Variants in RUNX1T1 observed in about 807,000 individuals in gnomAD.
RUNX1T1 encodes RUNX1 partner transcriptional co-repressor 1, also known as protein CBFA2T1.
Under a neutral mutation model 62.8 loss-of-function variants are expected in RUNX1T1, and 4 were observed. The ratio of observed to expected loss-of-function variants is 0.06; its 90% CI spans 0.03 to 0.15. The LOEUF (loss-of-function observed/expected upper bound fraction) is 0.15, where lower values mean the gene tolerates loss of function less well. RUNX1T1 is among the 10% of genes least tolerant of loss of function. The pLI is 1.00. For synonymous variants in RUNX1T1, 291 were observed against 286.0 expected (o/e 1.02, Z -0.18); for missense variants, 508 against 754.3 (o/e 0.67, Z 3.82).
At chr8:91,969,995 G>A (rs998944293) in intron 10 of RUNX1T1, among the ~76,000 whole-genome samples, 3 of 149,800 alleles carry the variant, frequency 2.0e-5, no homozygotes, top group Admixed American at 6.7e-5. Context: ...TTACTTTGCA[G>A]ATCTTTGAGC....
At chr8:91,999,048 T>C (rs1819263629) in intron 5 of RUNX1T1, among the ~76,000 whole-genome samples, 1 of 152,252 alleles carries the variant, frequency 6.6e-6, no homozygotes, top group African/African-American at 2.4e-5. Flanking sequence ...TGTAATGCAC[T>C]ATCCTGCACT....
chr8:92,067,898 A>T (rs1358265954), upstream of RUNX1T1, among the ~76,000 whole-genome samples: 2 of 152,208 alleles, frequency 1.3e-5, no homozygotes, highest in African/African-American at 4.8e-5. Context: ...AATATTTTAA[A>T]ATTTTTTGAA....
In RUNX1T1 at chr8:92,000,783, T is replaced by C. The variant is rs79306221; in HGVS notation, c.659+4333A>G. On this transcript the variant is annotated intron_variant, in intron 5 of 10. Transcript: ENST00000396218. ...TGTGGCTCTTCTGTCGTTAAAAATATATATAAAACCTCAGAATGTTATACT... is the reference window on the plus strand; with the variant it reads ...TGTGGCTCTTCTGTCGTTAAAAATACATATAAAACCTCAGAATGTTATACT... 5.9e-3 allele frequency among the ~76,000 whole-genome samples: 900 copies of C among 152,308 alleles called. 4 individuals carry two copies. The highest frequency in any genetic ancestry group is 0.02 in the African/African-American group (848 of 41,568).
At chr8:92,102,696 C>G (rs1030414374), upstream of RUNX1T1, among the ~76,000 whole-genome samples, 1 of 152,172 alleles carries the variant, frequency 6.6e-6, no homozygotes, top group Admixed American at 6.5e-5. This position sits in a 1 kb window ranked among gnomAD's most constrained non-coding sequence, Gnocchi z 4.5. Flanking sequence ...CCTCTTTGCC[C>G]TGGTGCGTAG....
intron 1 of RUNX1T1, chr8:92,095,062 G>C (rs1011793922): frequency 6.5e-7 from 1 of 1,535,466 alleles, no homozygotes; most frequent in Non-Finnish European, 8.7e-7. Flanking sequence ...AGAGGTGATG[G>C]GAGATAGCGT....
chr8:92,061,036 C>A (rs1249394377), intron 1 of RUNX1T1, among the ~76,000 whole-genome samples: 1 of 151,896 alleles, frequency 6.6e-6, no homozygotes, highest in Non-Finnish European at 1.5e-5. Context: ...ACTCTAAATC[C>A]CTAAATATAG....
chr8:91,974,623 G>C (rs1307637992), intron 9 of RUNX1T1, among the ~76,000 whole-genome samples: 1 of 152,106 alleles, frequency 6.6e-6, no homozygotes, highest in Non-Finnish European at 1.5e-5. Context: ...CGTCTTTTCA[G>C]GTAGGTGGTA....
At chr8:91,976,342 A>G (rs1813938203) in intron 8 of RUNX1T1, among the ~76,000 whole-genome samples, 1 of 152,206 alleles carries the variant, frequency 6.6e-6, no homozygotes, top group South Asian at 2.1e-4. Context: ...TTCATGAGTC[A>G]AACTGGTGGT....
intron 1 of RUNX1T1, among the ~76,000 whole-genome samples, chr8:92,027,576 T>C (rs931148449): frequency 2.0e-5 from 3 of 152,160 alleles, no homozygotes; most frequent in Non-Finnish European, 4.4e-5. Context: ...ATGTAAGCTA[T>C]GAGCTCTGAA....
At chr8:92,085,673 C>T (rs548728519) in intron 1 of RUNX1T1, among the ~76,000 whole-genome samples, 2 of 152,158 alleles carry the variant, frequency 1.3e-5, no homozygotes, top group South Asian at 2.1e-4. Flanking sequence ...AAAGAATTGC[C>T]AGCATGTTTT....
chr8:92,083,064 T>C (rs934108382), intron 1 of RUNX1T1, among the ~76,000 whole-genome samples: 7 of 152,172 alleles, frequency 4.6e-5, no homozygotes, highest in African/African-American at 1.7e-4. Context: ...ATACATAAAA[T>C]TTTGCTTATA....
intron 1 of RUNX1T1, among the ~76,000 whole-genome samples, chr8:92,030,248 A>C (rs571223761): frequency 1.1e-4 from 17 of 152,184 alleles, no homozygotes; most frequent in Non-Finnish European, 2.2e-4. Flanking sequence ...GTTTTTGTAG[A>C]GCTTACCACA....
chr8:92,062,956 T>G, exon 1 of RUNX1T1: 1 of 1,250,114 alleles, frequency 8.0e-7, no homozygotes, highest in South Asian at 1.8e-5. Context: ...TGCCGAATAA[T>G]TTATTCACCA....
intron 1 of RUNX1T1, among the ~76,000 whole-genome samples, chr8:92,042,578 G>A (rs989965729): frequency 3.9e-5 from 6 of 152,112 alleles, no homozygotes; most frequent in South Asian, 4.1e-4. Flanking sequence ...TTGGCTTCCC[G>A]AAGTGCTGGA....
intron 1 of RUNX1T1, among the ~76,000 whole-genome samples, chr8:92,084,243 T>TAATAAA (rs576128440): frequency 3.5e-5 from 4 of 114,962 alleles, no homozygotes; most frequent in Non-Finnish European, 6.6e-5. Context: ...ACTTAAAGTA[T>TAATAAA]AATAAAAATA....
upstream of RUNX1T1, chr8:92,103,347 C>T (rs1808472281): frequency 5.4e-6 from 1 of 183,652 alleles, no homozygotes; most frequent in Non-Finnish European, 1.2e-5. Flanking sequence ...CGCCGGGGAG[C>T]AGGAGCGCCG....
At chr8:91,973,311 G>A (rs1586753969) in intron 9 of RUNX1T1, among the ~76,000 whole-genome samples, 1 of 151,746 alleles carries the variant, frequency 6.6e-6, no homozygotes, top group South Asian at 2.1e-4. Flanking sequence ...AAGCAAATAT[G>A]ATAAAATAAG....
intron 5 of RUNX1T1, chr8:92,003,190 T>C (rs538742009): frequency 3.0e-6 from 1 of 331,634 alleles, no homozygotes; most frequent in Admixed American, 3.5e-5. Flanking sequence ...CCTGACTGAA[T>C]GCATACACTG....
intron 1 of RUNX1T1, among the ~76,000 whole-genome samples, chr8:92,023,031 T>C (rs1481163873): frequency 6.6e-6 from 1 of 152,194 alleles, no homozygotes; most frequent in Non-Finnish European, 1.5e-5. Context: ...AGTCAGATTA[T>C]CACAGTTTCT....
Sources: allele counts gnomAD v4.1 joint callset (sites outside exome capture counted in the v4.1 genomes callset), GRCh38; gene constraint gnomAD v4.1.1; non-coding constraint Gnocchi (gnomAD v3.1); transcripts MANE v1.5; gene names NCBI Gene and HGNC (gene_info 2026-07-23, HGNC 2026-07-21).